BRAP: variants seen among roughly 807,000 people sequenced by gnomAD.
The protein encoded by BRAP is BRCA1-associated protein.
BRAP carries 42 observed loss-of-function variants against 73.4 expected under a neutral mutation model. The observed-to-expected ratio is 0.57, with a 90% CI of 0.45 to 0.74. BRAP has a LOEUF of 0.74. Among genes scored for constraint, BRAP ranks in the 30% least tolerant of loss-of-function variants. BRAP has a pLI of 0.00. For synonymous variants in BRAP, 255 were observed against 267.4 expected (o/e 0.95, Z 0.45); for missense variants, 593 against 751.4 (o/e 0.79, Z 2.46).
At chr12:111,681,935 A>G (rs943004624) in intron 2 of BRAP, 100 bp from the exon 3 acceptor site, 57 of 1,140,268 alleles carry the variant, frequency 5.0e-5, no homozygotes, top group Non-Finnish European at 6.2e-5. Context: ...AAACTTTGAT[A>G]GAGTAATTAC....
At chr12:111,644,855 C>T (rs1341807261) in intron 11 of BRAP, among the ~76,000 whole-genome samples, 1 of 152,026 alleles carries the variant, frequency 6.6e-6, no homozygotes, top group Non-Finnish European at 1.5e-5. Context: ...CTCCTGGGTT[C>T]AAGCGATTCT....
At position 111,644,171 on chromosome 12, in the gene BRAP, G is replaced by A; in HGVS notation, c.*28C>T. ...CACTCTCACAGTGTCAGGGAGAACAGTCTCAGGGATGTCTGTTGCTCTGAA... is the reference window on the plus strand; with the variant it reads ...CACTCTCACAGTGTCAGGGAGAACAATCTCAGGGATGTCTGTTGCTCTGAA... On this transcript the variant is annotated 3_prime_UTR_variant, in exon 12 of 12. Transcript: ENST00000419234. 1.3e-6 allele frequency: 2 copies of A among 1,595,092 alleles called. No homozygotes were observed. Among genetic ancestry groups the A allele is most frequent in the East Asian group, 2.2e-5 (1 of 44,768 alleles).
Position 111,681,788 on chromosome 12 carries a change from G to A in BRAP, c.292C>T (p.Pro98Ser), listed in dbSNP as rs1440112218. Residue 98 changes from proline (P) to serine (S), a missense_variant, in exon 3 of 12, where the codon CCC becomes TCC. Physicochemically the swap from Pro to Ser is moderately conservative, Grantham distance 74. This residue lies in a region of BRAP where 304 missense variants were observed against 337.7 expected (regional missense o/e 0.90). Coordinates refer to ENST00000419234, the MANE Select transcript of BRAP (RefSeq NM_006768.5). ...VEERKSSEAS[P>S]TAQRSKDHSK... is the part of the protein sequence containing the mutation. Reference sequence around the variant, plus strand: ...TGATCTTTACTTCTTTGCGCAGTGGGGGAGGCTTCTGAAGACTTCCTTTCT... The same window carrying A: ...TGATCTTTACTTCTTTGCGCAGTGGAGGAGGCTTCTGAAGACTTCCTTTCT... The A allele has an allele frequency of 2.5e-6, 4 of 1,613,568 alleles. No homozygotes were observed. The highest frequency in any genetic ancestry group is 2.5e-6 in the Non-Finnish European group (3 of 1,179,872).
chr12:111,679,487 G>A (rs1177147099), intron 3 of BRAP, 147 bp from the exon 4 acceptor site: 4 of 487,796 alleles, frequency 8.2e-6, no homozygotes, highest in Non-Finnish European at 1.3e-5. Context: ...ACCCCCCATT[G>A]GACTTTTTAA....
intron 10 of BRAP, 69 bp downstream of exon 10, chr12:111,655,497 T>C: frequency 7.7e-7 from 1 of 1,295,574 alleles, no homozygotes; most frequent in Non-Finnish European, 1.1e-6. Flanking sequence ...GTACTCTGCC[T>C]TCCACACCCC....
At chr12:111,673,767 C>G (rs369107197) in intron 4 of BRAP, among the ~76,000 whole-genome samples, 2 of 152,242 alleles carry the variant, frequency 1.3e-5, no homozygotes, top group East Asian at 3.9e-4. Flanking sequence ...AAAATACTAA[C>G]AGTCTCATTT....
intron 5 of BRAP, among the ~76,000 whole-genome samples, chr12:111,668,702 G>A (rs1052114486): frequency 6.6e-6 from 1 of 151,238 alleles, no homozygotes; most frequent in Non-Finnish European, 1.5e-5. Flanking sequence ...TGTCGCCCAG[G>A]CTGGAGTGCA....
At chr12:111,648,567 G>C (rs149256256) in intron 11 of BRAP, among the ~76,000 whole-genome samples, 2,180 of 142,068 alleles carry the variant, frequency 0.015, 35 homozygotes, top group African/African-American at 0.054. Flanking sequence ...AACTGAGATC[G>C]CTCCACTGTA....
intron 5 of BRAP, among the ~76,000 whole-genome samples, chr12:111,671,131 AATCTTAAAATAT>A (rs1887155292): frequency 6.6e-6 from 1 of 151,894 alleles, no homozygotes; most frequent in African/African-American, 2.4e-5. Context: ...AAGAAATCTT[AATCTTAAAATAT>A]ATCTTAAAAT....
intron 10 of BRAP, 78 bp from the exon 11 acceptor site, chr12:111,650,120 C>A (rs941507895): frequency 1.9e-6 from 2 of 1,038,792 alleles, no homozygotes; most frequent in Non-Finnish European, 2.8e-6. Context: ...TCATATTTTT[C>A]CCCCCAATTA....
intron 6 of BRAP, among the ~76,000 whole-genome samples, chr12:111,662,865 A>G (rs907335992): frequency 6.6e-5 from 10 of 152,012 alleles, no homozygotes; most frequent in African/African-American, 2.4e-4. Context: ...TCACATCTGT[A>G]ATCCCAGCAC....
intron 1 of BRAP, among the ~76,000 whole-genome samples, chr12:111,684,079 C>A (rs919574691): frequency 1.3e-5 from 2 of 152,152 alleles, no homozygotes; most frequent in African/African-American, 4.8e-5. Context: ...TCTGTGATTA[C>A]TGTCTTAAAT....
rs554156850 is a variant in BRAP, at chr12:111,685,715, G to C, written c.78C>G (p.Ala26=). 1.2e-6 allele frequency: 2 copies of C among 1,605,224 alleles called. No homozygotes were observed. Among genetic ancestry groups the C allele is most frequent in the African/African-American group, 1.3e-5 (1 of 74,948 alleles). ...CGGCGAGGCCGCGGGACTCACCCGC[G>C]GCGCTGAAGCCGAAGCCGGCGGGGA... The part of the protein sequence containing the change: ...SPVPAGFGFS[A]AAGEMSDEEI... Residue 26 remains alanine (A), a synonymous_variant, in exon 1 of 12, where the codon GCC becomes GCG. Coordinates refer to ENST00000419234, the MANE Select transcript of BRAP (RefSeq NM_006768.5).
chr12:111,646,295 A>C (rs185297488), intron 11 of BRAP, among the ~76,000 whole-genome samples: 1 of 151,476 alleles, frequency 6.6e-6, no homozygotes, highest in Admixed American at 6.6e-5. Context: ...CAAAAAAACA[A>C]CAACAAAAAC....
chr12:111,650,093 G>T, intron 10 of BRAP, 51 bp from the exon 11 acceptor site: 1 of 1,314,064 alleles, frequency 7.6e-7, no homozygotes, highest in Non-Finnish European at 1.1e-6. Context: ...AATGTGGTGT[G>T]CTCTTTGGGA....
At position 111,683,355 on chromosome 12, in the gene BRAP, C is replaced by T. The variant is rs186691227; in HGVS notation, c.83-48G>A. The T allele has an allele frequency of 2.6e-3, 3,944 of 1,541,022 alleles. 6 individuals are homozygous for T. The highest frequency in any genetic ancestry group is 3.2e-3 in the Non-Finnish European group (3,617 of 1,141,098). ...ATACAAGGTAATAAAACAAGCTCCT[C>T]TCTGTTCTCTATTCCTCTATCATTA... On this transcript the variant is annotated intron_variant, in intron 1 of 11. Coordinates refer to ENST00000419234, the MANE Select transcript of BRAP (RefSeq NM_006768.5).
chr12:111,659,097 C>T lies in BRAP; in HGVS notation c.1111+110G>A, dbSNP rs1886643354. ...CAGGGAAACTGAGAATTTGGGTTTG[C>T]AACAGCTGTCAAAAGATGACATTTC... On this transcript the variant is annotated intron_variant, in intron 8 of 11. Transcript: ENST00000419234. 9.5e-6 allele frequency: 13 copies of T among 1,375,370 alleles called. No individual in the cohort carries two copies. The East Asian group carries it at 3.0e-4, about 32-fold the overall frequency. 85.2% of individuals were successfully genotyped at this position (1,375,370 alleles called of 1,614,324 possible).
In BRAP at chr12:111,667,698, C is replaced by CAAAAAAAAAAAA. The variant is rs565349424; in HGVS notation, c.748-1923_748-1912dup. On this transcript the variant is annotated intron_variant, in intron 5 of 11. Transcript: ENST00000419234. ...TGGGAGACAGAGTGAAACTCCGTCT[C>CAAAAAAAAAAAA]AAAAAAAAAAAAAAAAAAAAAAAGC... is the stretch of plus-strand genomic sequence containing the variant. Among the ~76,000 whole-genome samples, 12 of 21,286 alleles carry CAAAAAAAAAAAA rather than the reference C, an allele frequency of 5.6e-4. 1 individual carries two copies. Among genetic ancestry groups the CAAAAAAAAAAAA allele is most frequent in the South Asian group, 6.8e-3 (2 of 296 alleles). The allele number at this position is 21,286 out of a possible 152,430, so 14.0% of individuals were successfully genotyped here. A position where few individuals can be genotyped will look rare whatever the true frequency, so the allele number is the denominator to read the frequency against.
chr12:111,648,591 C>A (rs916925627), intron 11 of BRAP, among the ~76,000 whole-genome samples: 2 of 140,844 alleles, frequency 1.4e-5, no homozygotes, highest in African/African-American at 5.4e-5. Context: ...CAGCCTATTG[C>A]GCCACTGCAC....
Sources: allele counts gnomAD v4.1 joint callset (sites outside exome capture counted in the v4.1 genomes callset), GRCh38; gene constraint gnomAD v4.1.1; regional missense constraint gnomAD v4.1.1; transcripts MANE v1.5; gene names NCBI Gene and HGNC (gene_info 2026-07-23, HGNC 2026-07-21).